BCAS3: variants seen among roughly 807,000 people sequenced by gnomAD.
BCAS3 encodes the protein BCAS4/BCAS3 fusion.
BCAS3 carries 53 observed loss-of-function variants against 116.1 expected under a neutral mutation model. The observed-to-expected ratio is 0.46, with a 90% CI of 0.37 to 0.57. The LOEUF (loss-of-function observed/expected upper bound fraction) is 0.57. Ranked by LOEUF, BCAS3 falls within the 20% of genes least tolerant of loss-of-function variation. The probability of loss-of-function intolerance (pLI) is 0.00; values close to 1 mark genes in which losing one functional copy is unlikely to be tolerated. For synonymous variants in BCAS3, 391 were observed against 408.2 expected (o/e 0.96, Z 0.51); for missense variants, 917 against 1,165.4 (o/e 0.79, Z 3.10).
chr17:60,770,834 G>GTTTTTTTT lies in BCAS3; in HGVS notation c.403+23579_403+23586dup, dbSNP rs60854011. ...GATCTTGAACCTAAAACTGAAATTT[G>GTTTTTTTT]TTTTTTTTTTTTTTTTTTTTTTTTT... On this transcript the variant is annotated intron_variant, in intron 6 of 23. Transcript: ENST00000407086. Among the ~76,000 whole-genome samples the GTTTTTTTT allele has an allele frequency of 3.1e-4, 24 of 76,786 alleles. 1 individual carries two copies. The highest frequency in any genetic ancestry group is 8.6e-4 in the South Asian group (1 of 1,164). The allele number at this position is 76,786 out of a possible 152,430, so 50.4% of individuals were successfully genotyped here.
chr17:60,995,415 G>A lies in BCAS3; in HGVS notation c.1486+5180G>A, dbSNP rs2145451727. Among the ~76,000 whole-genome samples the A allele has an allele frequency of 6.6e-6, 1 of 152,176 alleles. No individual in the cohort carries two copies. Among genetic ancestry groups the A allele is most frequent in the East Asian group, 1.9e-4 (1 of 5,160 alleles). On this transcript the variant is annotated intron_variant, in intron 15 of 23. Transcript: ENST00000407086. The surrounding 1 kb of genome is among the most constrained non-coding windows in gnomAD (Gnocchi z 4.7). Reference sequence around the variant, plus strand: ...GTGAGTGAGTGATCTGCCCACCGTGGCCTCCCAAAGTGCTGGGATTACAGA... The same window carrying A: ...GTGAGTGAGTGATCTGCCCACCGTGACCTCCCAAAGTGCTGGGATTACAGA...
Position 61,118,753 on chromosome 17 carries a change from A to G in BCAS3, c.2425+34189A>G, listed in dbSNP as rs1456430277. 6.6e-6 allele frequency among the ~76,000 whole-genome samples: 1 copy of G among 152,162 alleles called. No individual in the cohort carries two copies. Among genetic ancestry groups the G allele is most frequent in the Non-Finnish European group, 1.5e-5 (1 of 68,030 alleles). On this transcript the variant is annotated intron_variant, in intron 22 of 23. Transcript: ENST00000407086. This position sits in a 1 kb window ranked among gnomAD's most constrained non-coding sequence, Gnocchi z 5.0. ...CAAGAGAGAGCAGCCTTTTGTTGTG[A>G]CAAAAGCATAGACAGACCTTGAGGT... is the stretch of plus-strand genomic sequence containing the variant.
intron 6 of BCAS3, among the ~76,000 whole-genome samples, chr17:60,765,737 T>C (rs1204386235): frequency 6.6e-6 from 1 of 152,220 alleles, no homozygotes; most frequent in Non-Finnish European, 1.5e-5. Flanking sequence ...AATGTTGGCC[T>C]GCCTTGCTAT....
chr17:61,148,096 A>G (rs920223481), intron 22 of BCAS3, among the ~76,000 whole-genome samples: 1 of 152,254 alleles, frequency 6.6e-6, no homozygotes, highest in Non-Finnish European at 1.5e-5. Flanking sequence ...AGTAAGTGCT[A>G]TAGGAATTTT....
chr17:61,263,945 G>C (rs917683441), intron 22 of BCAS3, among the ~76,000 whole-genome samples: 4 of 152,190 alleles, frequency 2.6e-5, no homozygotes, highest in African/African-American at 7.2e-5. Flanking sequence ...TTCTGACCAT[G>C]CATGTTGGCA....
chr17:60,975,248 G>A (rs575376617), intron 14 of BCAS3, among the ~76,000 whole-genome samples: 2 of 152,016 alleles, frequency 1.3e-5, no homozygotes, highest in East Asian at 3.9e-4. Flanking sequence ...TGATCCACCC[G>A]CCTCGGCCTC....
chr17:60,866,924 GT>G (rs1421167261), intron 7 of BCAS3, among the ~76,000 whole-genome samples: 2 of 151,694 alleles, frequency 1.3e-5, no homozygotes, highest in Non-Finnish European at 2.9e-5. Context: ...AATATGTTCT[GT>G]CCCTCTGTCT....
At chr17:60,701,569 A>G (rs1343931576) in intron 4 of BCAS3, among the ~76,000 whole-genome samples, 1 of 152,178 alleles carries the variant, frequency 6.6e-6, no homozygotes, top group Non-Finnish European at 1.5e-5. Flanking sequence ...CAGATGAACC[A>G]CATAGCCTAG....
In BCAS3 at chr17:60,803,292, C is replaced by T. The variant is rs552713807; in HGVS notation, c.404-4712C>T. 7.2e-5 allele frequency among the ~76,000 whole-genome samples: 11 copies of T among 152,218 alleles called. No homozygotes were observed. The South Asian group carries it at 2.1e-3, about 29-fold the overall frequency. On this transcript the variant is annotated intron_variant, in intron 6 of 23. Coordinates refer to ENST00000407086, the MANE Select transcript of BCAS3 (RefSeq NM_017679.5). ...CCTAACAGGGTAAAGGTCTTAGCAT[C>T]GATGTGTTTTTCAGATAGCCGATAT...
At chr17:60,944,683 A>T (rs2145236269) in intron 13 of BCAS3, among the ~76,000 whole-genome samples, 1 of 152,256 alleles carries the variant, frequency 6.6e-6, no homozygotes, top group South Asian at 2.1e-4. Context: ...TGACCAAACG[A>T]GGCTTATCCC....
chr17:61,103,909 C>T (rs147358118), intron 22 of BCAS3, among the ~76,000 whole-genome samples: 1 of 152,274 alleles, frequency 6.6e-6, no homozygotes, highest in East Asian at 1.9e-4. Flanking sequence ...GATAGTCTTT[C>T]GCCTGGGTGA....
At chr17:61,094,891 A>AT (rs1176578546) in intron 22 of BCAS3, among the ~76,000 whole-genome samples, 1 of 152,222 alleles carries the variant, frequency 6.6e-6, no homozygotes, top group African/African-American at 2.4e-5. Context: ...AACTAATATG[A>AT]TTTTTTGCAT....
intron 13 of BCAS3, among the ~76,000 whole-genome samples, chr17:60,926,815 T>C (rs1309602925): frequency 6.6e-6 from 1 of 152,232 alleles, no homozygotes; most frequent in Non-Finnish European, 1.5e-5. Flanking sequence ...AAGAGTGTTG[T>C]AGTCGTCATA....
chr17:61,250,175 A>G (rs930156284), intron 22 of BCAS3, among the ~76,000 whole-genome samples: 1 of 152,212 alleles, frequency 6.6e-6, no homozygotes, highest in African/African-American at 2.4e-5. Context: ...ATGATTTGAC[A>G]AACATAAGAC....
chr17:60,825,721 A>G (rs1329046753), intron 7 of BCAS3, among the ~76,000 whole-genome samples: 1 of 151,690 alleles, frequency 6.6e-6, no homozygotes, highest in African/African-American at 2.4e-5. Flanking sequence ...TGGAAGGGCA[A>G]AAAAGGGCCT....
intron 6 of BCAS3, among the ~76,000 whole-genome samples, chr17:60,751,413 AG>A (rs2042443382): frequency 6.6e-6 from 1 of 152,250 alleles, no homozygotes; most frequent in South Asian, 2.1e-4. Flanking sequence ...TACTTTAAGT[AG>A]CCATTTTGGC....
chr17:61,040,091 A>G (rs370412086), intron 18 of BCAS3, among the ~76,000 whole-genome samples: 3 of 152,258 alleles, frequency 2.0e-5, no homozygotes, highest in South Asian at 2.1e-4. Flanking sequence ...TGTCCAGGAA[A>G]GAAAAAATTG....
At chr17:60,683,611 C>G (rs948168194) in intron 2 of BCAS3, among the ~76,000 whole-genome samples, 5 of 131,992 alleles carry the variant, frequency 3.8e-5, no homozygotes, top group African/African-American at 1.1e-4. Flanking sequence ...GCGGGAGGAT[C>G]GCTTGAGCTC....
intron 22 of BCAS3, chr17:61,357,072 T>TTTTC (rs1171419036): frequency 1.3e-5 from 2 of 151,554 alleles, no homozygotes; most frequent in Non-Finnish European, 2.9e-5. Context: ...TCTCTCGACT[T>TTTTC]TTTCTTTCTT....
Sources: gnomAD v4.1 joint callset for allele counts (sites outside exome capture counted in the v4.1 genomes callset) on GRCh38, gnomAD v4.1.1 for gene constraint, Gnocchi (gnomAD v3.1) non-coding constraint, MANE v1.5 for transcripts, NCBI Gene and HGNC (gene_info 2026-07-23, HGNC 2026-07-21) for gene names.